FAM124A: variants seen among roughly 807,000 people sequenced by gnomAD.
The protein encoded by FAM124A is protein FAM124A.
In FAM124A, 23 loss-of-function variants were observed where a neutral mutation model predicts 24.5. The observed-to-expected ratio is 0.94, with a 90% CI of 0.68 to 1.33. FAM124A has a LOEUF of 1.33. FAM124A is among the 40% of genes most tolerant of loss of function. The probability of loss-of-function intolerance (pLI) is 0.00; values close to 1 mark genes in which losing one functional copy is unlikely to be tolerated. For missense variants in FAM124A, 623 were observed against 722.8 expected, an observed-to-expected ratio of 0.86 and a Z score of 1.58; for synonymous variants, 287 against 314.7, an observed-to-expected ratio of 0.91 and a Z score of 0.93.
intron 3 of FAM124A, among the ~76,000 whole-genome samples, chr13:51,274,729 A>G (rs981695257): frequency 2.0e-5 from 3 of 152,160 alleles, no homozygotes; most frequent in Non-Finnish European, 2.9e-5. Context: ...TGTATCTCAC[A>G]TGTATTTTTG....
chr13:51,281,278 G>T lies in FAM124A; in HGVS notation c.*22G>T. The T allele has an allele frequency of 6.5e-7, 1 of 1,529,676 alleles. No individual in the cohort carries two copies. The highest frequency in any genetic ancestry group is 8.7e-7 in the Non-Finnish European group (1 of 1,143,414). The allele number at this position is 1,529,676 out of a possible 1,614,324, so 94.8% of individuals were successfully genotyped here. ...CTGAATGCCCTCTGCTCTTGTTCTC[G>T]AAACACACAAACTCAGAGACACAGA... On this transcript the variant is annotated 3_prime_UTR_variant, in exon 4 of 4. Transcript: ENST00000322475.
In FAM124A at chr13:51,281,173, G is replaced by A. The variant is rs1236259973; in HGVS notation, c.1558G>A (p.Val520Ile). ...SPQLPCDTPK[V>I]KQTDGDMPPP... is the part of the protein sequence containing the mutation. ...ACAGCTCCCATGCGATACCCCCAAA[G>A]TCAAGCAGACTGATGGAGACATGCC... Residue 520 changes from valine (V) to isoleucine (I), a missense_variant, in exon 4 of 4, where the codon GTC becomes ATC. By Grantham distance (29) the Val-to-Ile change is conservative. Transcript: ENST00000322475. The A allele has an allele frequency of 3.1e-6, 5 of 1,613,578 alleles. No individual in the cohort carries two copies. Among genetic ancestry groups the A allele is most frequent in the Admixed American group, 3.3e-5 (2 of 59,994 alleles).
intron 1 of FAM124A, among the ~76,000 whole-genome samples, chr13:51,228,646 G>C (rs1172420260): frequency 6.6e-6 from 1 of 152,190 alleles, no homozygotes; most frequent in Non-Finnish European, 1.5e-5. Flanking sequence ...GACTTGTCCA[G>C]AGAACCCTAA....
rs112409880 is a variant in FAM124A at position 51,225,310 on chromosome 13, C to T, written c.68+2741C>T. On this transcript the variant is annotated intron_variant, in intron 1 of 3. Coordinates refer to ENST00000322475, the MANE Select transcript of FAM124A (RefSeq NM_001242312.2). ...TGACATTGCATTTGGGTACTATTTA[C>T]CTAAAAATGGCAATGGAAGCTCTGG... is the stretch of plus-strand genomic sequence containing the variant. The T allele has an allele frequency of 6.4e-3, 976 of 152,234 alleles. 6 individuals carry two copies. Among genetic ancestry groups the T allele is most frequent in the Non-Finnish European group, 0.011 (760 of 68,022 alleles). 9.4% of individuals were successfully genotyped at this position (152,234 alleles called of 1,614,324 possible). A position where few individuals can be genotyped will look rare whatever the true frequency, so the allele number is the denominator to read the frequency against.
chr13:51,277,383 C>T (rs1018953866), intron 3 of FAM124A, among the ~76,000 whole-genome samples: 4 of 152,114 alleles, frequency 2.6e-5, no homozygotes, highest in Admixed American at 2.0e-4. Flanking sequence ...CTATTGGGTG[C>T]GCTGTTCACT....
At chr13:51,249,455 G>C (rs142836636) in intron 2 of FAM124A, among the ~76,000 whole-genome samples, 1 of 152,326 alleles carries the variant, frequency 6.6e-6, no homozygotes, top group East Asian at 1.9e-4. Context: ...ACTTCCAGAA[G>C]CCTCTCAGGT....
chr13:51,260,748 G>T (rs73194198), intron 3 of FAM124A, among the ~76,000 whole-genome samples: 14,510 of 152,192 alleles, frequency 0.095, 923 homozygotes, highest in East Asian at 0.25. Flanking sequence ...TGCTGGCGTG[G>T]TCTCCAACTT....
chr13:51,256,528 G>T (rs576203573), intron 3 of FAM124A, among the ~76,000 whole-genome samples: 1 of 152,260 alleles, frequency 6.6e-6, no homozygotes, highest in East Asian at 1.9e-4. Context: ...ACACCAGCTA[G>T]TATTGCTTAT....
intron 2 of FAM124A, among the ~76,000 whole-genome samples, chr13:51,246,912 C>A (rs1287848846): frequency 1.3e-5 from 2 of 152,238 alleles, no homozygotes; most frequent in African/African-American, 2.4e-5. Context: ...AAGCCTCTCA[C>A]GCCATGCTAT....
chr13:51,251,866 T>G lies in FAM124A; in HGVS notation c.499T>G (p.Tyr167Asp). 6.2e-7 allele frequency: 1 copy of G among 1,613,676 alleles called. No homozygotes were observed. Among genetic ancestry groups the G allele is most frequent in the Non-Finnish European group, 8.5e-7 (1 of 1,179,866 alleles). ...TPLWAIRPVHYGKEIVRFTVY... is the reference protein window; with the variant it reads ...TPLWAIRPVHDGKEIVRFTVY... ...GCTTTGGGCCATCCGGCCCGTGCAC[T>G]ACGGCAAGGAAATCGTGCGCTTCAC... is the stretch of plus-strand genomic sequence containing the variant. The change falls in exon 3 of 4, where the codon TAC becomes GAC. Residue 167 changes from tyrosine to aspartate, a missense_variant. Transcript: ENST00000322475. The surrounding 1 kb of genome is among the most constrained non-coding windows in gnomAD (Gnocchi z 5.3).
At chr13:51,276,355 T>G (rs966803068) in intron 3 of FAM124A, among the ~76,000 whole-genome samples, 2 of 152,180 alleles carry the variant, frequency 1.3e-5, no homozygotes, top group African/African-American at 4.8e-5. Context: ...ATGGAATTGG[T>G]ATGTTGCTAT....
chr13:51,245,785 T>C (rs1403220536), intron 2 of FAM124A, among the ~76,000 whole-genome samples: 1 of 152,148 alleles, frequency 6.6e-6, no homozygotes, highest in Non-Finnish European at 1.5e-5. Context: ...TTAAATGAGA[T>C]AGTATACATA....
intron 2 of FAM124A, among the ~76,000 whole-genome samples, chr13:51,235,204 C>G (rs1566161755): frequency 1.3e-5 from 2 of 152,054 alleles, no homozygotes; most frequent in African/African-American, 4.8e-5. Context: ...TGTTGGCACT[C>G]AGGAGATCTC....
intron 3 of FAM124A, among the ~76,000 whole-genome samples, chr13:51,279,243 C>G (rs1184270521): frequency 6.6e-6 from 1 of 152,130 alleles, no homozygotes; most frequent in African/African-American, 2.4e-5. Flanking sequence ...TCAGCCAATT[C>G]AAATGATTAA....
At chr13:51,235,108 G>A (rs1348091657) in intron 2 of FAM124A, among the ~76,000 whole-genome samples, 1 of 152,060 alleles carries the variant, frequency 6.6e-6, no homozygotes, top group Non-Finnish European at 1.5e-5. Context: ...CAGTTGCAAC[G>A]GGTTCATTTG....
At chr13:51,232,170 T>TA in intron 2 of FAM124A, among the ~76,000 whole-genome samples, 1 of 152,316 alleles carries the variant, frequency 6.6e-6, no homozygotes, top group Middle Eastern at 3.4e-3. Context: ...CTCTGGTTAT[T>TA]AAAAAGGTGC....
rs983863907 is a variant in FAM124A, at chr13:51,282,693, C to T, written c.*1437C>T. The T allele has an allele frequency of 6.6e-6, 1 of 152,236 alleles. No individual in the cohort carries two copies. The highest frequency in any genetic ancestry group is 6.5e-5 in the Admixed American group (1 of 15,276). 9.4% of individuals were successfully genotyped at this position (152,236 alleles called of 1,614,324 possible). ...CCAGCCCAGACACAGCCTCAGAGTC[C>T]TTTCCAACACGACCCTCCAGGCAGC... On this transcript the variant is annotated 3_prime_UTR_variant, in exon 4 of 4. Transcript: ENST00000322475.
Position 51,282,564 on chromosome 13 carries a change from T to A in FAM124A, c.*1308T>A, listed in dbSNP as rs577367468. The A allele has an allele frequency of 7.0e-4, 107 of 152,368 alleles. No homozygotes were observed. Among genetic ancestry groups the A allele is most frequent in the African/African-American group, 2.5e-3 (102 of 41,568 alleles). 9.4% of individuals were successfully genotyped at this position (152,368 alleles called of 1,614,324 possible). Reference sequence around the variant, plus strand: ...GTGCCAAGCTGTCCCTGGATACTATTTACCTTTGAGGAAGAACAGCATGGG... The same window carrying A: ...GTGCCAAGCTGTCCCTGGATACTATATACCTTTGAGGAAGAACAGCATGGG... On this transcript the variant is annotated 3_prime_UTR_variant, in exon 4 of 4. Transcript: ENST00000322475.
At chr13:51,265,693 C>A (rs1954778781) in intron 3 of FAM124A, among the ~76,000 whole-genome samples, 1 of 152,158 alleles carries the variant, frequency 6.6e-6, no homozygotes, top group African/African-American at 2.4e-5. Flanking sequence ...CCACCACCAT[C>A]ATCATCATCA....
Sources: allele counts gnomAD v4.1 joint callset (sites outside exome capture counted in the v4.1 genomes callset), GRCh38; gene constraint gnomAD v4.1.1; non-coding constraint Gnocchi (gnomAD v3.1); transcripts MANE v1.5; gene names NCBI Gene and HGNC (gene_info 2026-07-23, HGNC 2026-07-21).